RBPJ: variants seen among roughly 807,000 people sequenced by gnomAD.
RBPJ encodes the protein recombination signal binding protein for immunoglobulin kappa J region, also known as recombining binding protein suppressor of hairless.
In RBPJ, 9 loss-of-function variants were observed where a neutral mutation model predicts 67.8. The observed-to-expected ratio is 0.13, with a 90% CI of 0.08 to 0.23. The LOEUF (loss-of-function observed/expected upper bound fraction) is 0.23. Among genes scored for constraint, RBPJ ranks in the 10% least tolerant of loss-of-function variants. RBPJ has a pLI of 1.00. For synonymous variants in RBPJ, 198 were observed against 203.3 expected (o/e 0.97, Z 0.22); for missense variants, 305 against 595.6 (o/e 0.51, Z 5.08).
intron 1 of RBPJ, among the ~76,000 whole-genome samples, chr4:26,383,278 T>C (rs1400043864): frequency 1.3e-5 from 2 of 152,252 alleles, no homozygotes; most frequent in Non-Finnish European, 2.9e-5. Context: ...GTTAATCTAA[T>C]ATTGACAGAA....
chr4:26,184,860 G>A (rs1467744145), intron 1 of RBPJ, among the ~76,000 whole-genome samples: 1 of 152,098 alleles, frequency 6.6e-6, no homozygotes. Context: ...AGTTATGTTG[G>A]GCCGGGTGCG....
rs1308507190 is a variant in RBPJ at position 26,255,200 on chromosome 4, C to A, written c.-167+91586C>A. On this transcript the variant is annotated intron_variant, in intron 1 of 4. Transcript: ENST00000512351. Reference sequence around the variant, plus strand: ...CGGGTGGATCACGAGGTCAGGAGATCGGGACCATCCTGGCTAACACGGTGA... The same window carrying A: ...CGGGTGGATCACGAGGTCAGGAGATAGGGACCATCCTGGCTAACACGGTGA... Among the ~76,000 whole-genome samples, 62 of 136,576 alleles carry A rather than the reference C, an allele frequency of 4.5e-4. 2 individuals are homozygous for A. The highest frequency in any genetic ancestry group is 1.7e-3 in the African/African-American group (58 of 34,708). 89.6% of individuals were successfully genotyped at this position (136,576 alleles called of 152,430 possible).
chr4:26,280,712 A>G (rs1028537472), intron 1 of RBPJ, among the ~76,000 whole-genome samples: 1 of 152,180 alleles, frequency 6.6e-6, no homozygotes, highest in East Asian at 1.9e-4. Context: ...AAAATGGCAA[A>G]TTTTATGTTA....
chr4:26,398,033 T>C (rs1173504601), intron 2 of RBPJ, among the ~76,000 whole-genome samples: 2 of 152,026 alleles, frequency 1.3e-5, no homozygotes, highest in East Asian at 3.9e-4. Flanking sequence ...TGTTTCTCAA[T>C]ATGCTCTTCA....
At chr4:26,182,383 C>T (rs1183862582) in intron 1 of RBPJ, among the ~76,000 whole-genome samples, 7 of 151,884 alleles carry the variant, frequency 4.6e-5, no homozygotes, top group African/African-American at 1.7e-4. Flanking sequence ...TTGACTCTTT[C>T]GTAATAACAT....
intron 7 of RBPJ, chr4:26,425,077 G>T (rs1735499404): frequency 3.0e-6 from 1 of 333,940 alleles, no homozygotes; most frequent in East Asian, 4.7e-5. Flanking sequence ...CTTTACTAAT[G>T]CGGATAAACC....
chr4:26,186,552 C>A (rs1040040963), intron 1 of RBPJ, among the ~76,000 whole-genome samples: 3 of 152,132 alleles, frequency 2.0e-5, no homozygotes, highest in African/African-American at 7.2e-5. Context: ...CTGAGCGAGA[C>A]CCTCTGAGGT....
chr4:26,320,685 T>G, upstream of RBPJ: 2 of 1,504,200 alleles, frequency 1.3e-6, no homozygotes, highest in Non-Finnish European at 1.8e-6. Flanking sequence ...AGTAATCCCC[T>G]CCGGTTTTCC....
At chr4:26,241,952 A>G (rs1285548401) in intron 1 of RBPJ, among the ~76,000 whole-genome samples, 1 of 152,234 alleles carries the variant, frequency 6.6e-6, no homozygotes. Context: ...TGAAGTGCTC[A>G]ATACCGCACA....
At chr4:26,206,384 T>C (rs541172652) in intron 1 of RBPJ, among the ~76,000 whole-genome samples, 1 of 152,194 alleles carries the variant, frequency 6.6e-6, no homozygotes, top group Non-Finnish European at 1.5e-5. Context: ...TAGATCCAGA[T>C]TTATTCCTCC....
intron 1 of RBPJ, among the ~76,000 whole-genome samples, chr4:26,167,352 G>A (rs2109113243): frequency 6.6e-6 from 1 of 152,006 alleles, no homozygotes; most frequent in African/African-American, 2.4e-5. Context: ...CCATGAGCAT[G>A]GAATGTTCTT....
intron 1 of RBPJ, among the ~76,000 whole-genome samples, chr4:26,287,749 A>G (rs1024469507): frequency 4.8e-5 from 7 of 146,150 alleles, no homozygotes; most frequent in African/African-American, 1.5e-4. Flanking sequence ...GGAGGAAGGC[A>G]GGAAGGCAGG....
the RBPJ span, among the ~76,000 whole-genome samples, chr4:26,155,257 A>G: frequency 6.6e-6 from 1 of 152,150 alleles, no homozygotes; most frequent in African/African-American, 2.4e-5. Context: ...TACAGATATA[A>G]AAACATTTTC....
At chr4:26,373,131 A>G (rs562163197) in intron 1 of RBPJ, among the ~76,000 whole-genome samples, 1 of 152,364 alleles carries the variant, frequency 6.6e-6, no homozygotes, top group Non-Finnish European at 1.5e-5. Context: ...ACACTCAAGC[A>G]AAAAAGGCAT....
intron 7 of RBPJ, among the ~76,000 whole-genome samples, chr4:26,426,514 G>T (rs1309264307): frequency 6.6e-6 from 1 of 152,132 alleles, no homozygotes; most frequent in Non-Finnish European, 1.5e-5. Context: ...CTTTCCAGGG[G>T]TTTCATGACA....
intron 1 of RBPJ, among the ~76,000 whole-genome samples, chr4:26,361,048 A>AGTGAGTGTGTGTGT (rs1553870956): frequency 6.8e-6 from 1 of 147,346 alleles, no homozygotes; most frequent in Non-Finnish European, 1.5e-5. Flanking sequence ...TTCAGGAGTG[A>AGTGAGTGTGTGTGT]GTGTGTGTGC....
chr4:26,112,998 C>T, the RBPJ span: 2 of 154,244 alleles, frequency 1.3e-5, no homozygotes, highest in Non-Finnish European at 2.9e-5. Flanking sequence ...AAGTGATCCA[C>T]CCACCTGGCC....
upstream of RBPJ, among the ~76,000 whole-genome samples, chr4:26,318,431 C>T (rs973231001): frequency 6.6e-6 from 1 of 151,950 alleles, no homozygotes; most frequent in Non-Finnish European, 1.5e-5. Context: ...TAGCACCTGC[C>T]GCAGCCATAC....
intron 1 of RBPJ, among the ~76,000 whole-genome samples, chr4:26,366,133 T>C (rs1560297705): frequency 6.6e-6 from 1 of 152,320 alleles, no homozygotes; most frequent in Middle Eastern, 3.4e-3. Context: ...GGCATGTGTA[T>C]GTATGGGATT....
Sources: allele counts gnomAD v4.1 joint callset (sites outside exome capture counted in the v4.1 genomes callset), GRCh38; gene constraint gnomAD v4.1.1; transcripts MANE v1.5; gene names NCBI Gene and HGNC (gene_info 2026-07-23, HGNC 2026-07-21).